The following ASXL3 variants were observed in gnomAD, a reference collection of about 807,000 sequenced individuals.
ASXL3 encodes the protein ASXL transcriptional regulator 3, also known as putative Polycomb group protein ASXL3.
Under a neutral mutation model 170.6 loss-of-function variants are expected in ASXL3, and 34 were observed. The ratio of observed to expected loss-of-function variants is 0.20; its 90% CI spans 0.15 to 0.27. ASXL3 has a LOEUF of 0.27. Ranked by LOEUF, ASXL3 falls within the 10% of genes least tolerant of loss-of-function variation. The pLI, the probability that ASXL3 is intolerant of heterozygous loss-of-function variation, is 1.00. For synonymous variants in ASXL3, 1,002 were observed against 989.1 expected, an observed-to-expected ratio of 1.01 and a Z score of -0.24; for missense variants, 2,592 against 2,695.3, an observed-to-expected ratio of 0.96 and a Z score of 0.85.
In ASXL3 at chr18:33,583,519, A is replaced by G. The variant is rs1266207946; in HGVS notation, c.54+4834A>G. Among the ~76,000 whole-genome samples, 5 of 152,216 alleles carry G rather than the reference A, an allele frequency of 3.3e-5. No homozygotes were observed. In the South Asian group the frequency reaches 8.3e-4, roughly 25 times the overall value. ...TGTTTTACAGTTTGAAAGATAAAAA[A>G]GAGTTTAATGATCTCTATGCCTATT... On this transcript the variant is annotated intron_variant, in intron 1 of 11. Transcript: ENST00000269197.
chr18:33,652,621 A>ATG (rs1184027267), intron 4 of ASXL3, among the ~76,000 whole-genome samples: 1 of 151,430 alleles, frequency 6.6e-6, no homozygotes, highest in Non-Finnish European at 1.5e-5. Flanking sequence ...AAAAAAGAAC[A>ATG]TGAATCTTAT....
chr18:33,591,520 C>G (rs1219580785), intron 1 of ASXL3, among the ~76,000 whole-genome samples: 1 of 152,096 alleles, frequency 6.6e-6, no homozygotes, highest in Non-Finnish European at 1.5e-5. Flanking sequence ...TGCTAATGCT[C>G]TGTTTACAAA....
In ASXL3 at chr18:33,745,760, G is replaced by C; in HGVS notation, c.5912G>C (p.Gly1971Ala). The change falls in exon 12 of 12, where the codon GGA becomes GCA. Residue 1971 changes from glycine to alanine, a missense_variant. This residue lies in a region of ASXL3 where 2,246 missense variants were observed against 2,219.6 expected (regional missense o/e 1.01). Transcript: ENST00000269197. ...TTCAACAGGCATCTTGAACAGAAGG[G>C]ATTGGGAGAGGTTAGTCTTTCCTCA... ...FAFNRHLEQKGLGEVSLSSAP... is the reference protein window; with the variant it reads ...FAFNRHLEQKALGEVSLSSAP... 2 of 1,614,000 alleles carry C rather than the reference G, an allele frequency of 1.2e-6. No homozygotes were observed.
intron 8 of ASXL3, chr18:33,683,782 T>A: frequency 2.5e-6 from 1 of 407,066 alleles, no homozygotes; most frequent in Non-Finnish European, 4.2e-6. Context: ...TACGGTACAT[T>A]GTGGTAGAGT....
At chr18:33,646,880 CGG>C (rs56102471) in intron 4 of ASXL3, among the ~76,000 whole-genome samples, 1,007 of 43,894 alleles carry the variant, frequency 0.023, 17 homozygotes, top group African/African-American at 0.046. Context: ...TAAGGGGGAG[CGG>C]GGGGGGGGGG....
chr18:33,736,117 G>T (rs1363854098), intron 10 of ASXL3, among the ~76,000 whole-genome samples: 1 of 152,076 alleles, frequency 6.6e-6, no homozygotes, highest in African/African-American at 2.4e-5. Context: ...GTTTATAACC[G>T]TGAGGTTATT....
intron 8 of ASXL3, among the ~76,000 whole-genome samples, chr18:33,701,345 A>G (rs1451907398): frequency 6.6e-6 from 1 of 152,044 alleles, no homozygotes; most frequent in Non-Finnish European, 1.5e-5. Flanking sequence ...TGGAATTTTG[A>G]TAGGAATTGC....
intron 1 of ASXL3, among the ~76,000 whole-genome samples, chr18:33,597,533 TG>T (rs1250452667): frequency 2.6e-5 from 4 of 152,130 alleles, no homozygotes; most frequent in Admixed American, 2.6e-4. Flanking sequence ...GGATAGGCTG[TG>T]AATTTTTGTA....
intron 1 of ASXL3, among the ~76,000 whole-genome samples, chr18:33,603,062 A>G (rs1049782082): frequency 6.6e-6 from 1 of 152,126 alleles, no homozygotes; most frequent in Non-Finnish European, 1.5e-5. Flanking sequence ...AAATGTAGAC[A>G]TCTATCATTG....
chr18:33,613,841 C>T (rs1424448139), intron 2 of ASXL3, among the ~76,000 whole-genome samples: 1 of 152,152 alleles, frequency 6.6e-6, no homozygotes, highest in Admixed American at 6.5e-5. Context: ...AGGAGGATCA[C>T]TTGAGCCGAT....
At chr18:33,625,250 A>T (rs913959624) in intron 2 of ASXL3, among the ~76,000 whole-genome samples, 1 of 152,106 alleles carries the variant, frequency 6.6e-6, no homozygotes, top group Non-Finnish European at 1.5e-5. Context: ...GTCCTGTATG[A>T]TTCCTAGATC....
chr18:33,653,119 T>C (rs889960031), intron 4 of ASXL3, among the ~76,000 whole-genome samples: 2 of 152,020 alleles, frequency 1.3e-5, no homozygotes, highest in African/African-American at 4.8e-5. Flanking sequence ...ATTCTGGTCT[T>C]GTTTTGCTGG....
rs1226619353 is a variant in ASXL3 at position 33,713,248 on chromosome 18, GTTTTTTT to G, written c.880-18700_880-18694del. 5.4e-4 allele frequency among the ~76,000 whole-genome samples: 35 copies of G among 65,104 alleles called. 4 individuals are homozygous for G. The Admixed American group carries it at 5.7e-3, about 11-fold the overall frequency. The allele number at this position is 65,104 out of a possible 152,430, so 42.7% of individuals were successfully genotyped here. A position where few individuals can be genotyped will look rare whatever the true frequency, so the allele number is the denominator to read the frequency against. ...AAGAAGGTTTTTTTTGTTTTGTTTTGTTTTTTTTTTTTTTTTTTTTTTTTTTGAGACA... is the reference window on the plus strand; with the variant it reads ...AAGAAGGTTTTTTTTGTTTTGTTTTGTTTTTTTTTTTTTTTTTTTGAGACA... On this transcript the variant is annotated intron_variant, in intron 8 of 11. Coordinates refer to ENST00000269197, the MANE Select transcript of ASXL3 (RefSeq NM_030632.3).
chr18:33,588,328 A>T (rs2065050689), intron 1 of ASXL3, among the ~76,000 whole-genome samples: 2 of 150,236 alleles, frequency 1.3e-5, no homozygotes, highest in African/African-American at 4.9e-5. Flanking sequence ...ACAGAACACA[A>T]CTCCTCCTAA....
chr18:33,687,707 T>C (rs950137553), intron 8 of ASXL3, among the ~76,000 whole-genome samples: 2 of 152,234 alleles, frequency 1.3e-5, no homozygotes, highest in Admixed American at 6.5e-5. Context: ...TTCTGTTTTT[T>C]AGAGTTCTGT....
At chr18:33,731,929 TC>T (rs779328462) in intron 8 of ASXL3, 38 bp from the exon 9 acceptor site, 1 of 1,567,768 alleles carries the variant, frequency 6.4e-7, no homozygotes, top group East Asian at 2.2e-5. Context: ...TTTGACTTAT[TC>T]CTGATGGAAC....
intron 8 of ASXL3, among the ~76,000 whole-genome samples, chr18:33,719,835 A>G (rs1599539927): frequency 6.6e-6 from 1 of 152,138 alleles, no homozygotes; most frequent in Non-Finnish European, 1.5e-5. Context: ...TGGTACCTTA[A>G]TCTTGGATTT....
At chr18:33,636,588 G>A (rs540670840) in intron 2 of ASXL3, among the ~76,000 whole-genome samples, 63 of 152,252 alleles carry the variant, frequency 4.1e-4, no homozygotes, top group Middle Eastern at 6.8e-3. Flanking sequence ...GGTTTCAGGT[G>A]AACGTAGTTG....
At chr18:33,638,099 C>G (rs1363874517) in intron 2 of ASXL3, among the ~76,000 whole-genome samples, 1 of 151,200 alleles carries the variant, frequency 6.6e-6, no homozygotes, top group Non-Finnish European at 1.5e-5. Context: ...TCTGAATTCT[C>G]TACCACATAT....
Sources: gnomAD v4.1 joint callset for allele counts (sites outside exome capture counted in the v4.1 genomes callset) on GRCh38, gnomAD v4.1.1 for gene constraint, gnomAD v4.1.1 regional missense constraint, MANE v1.5 for transcripts, NCBI Gene and HGNC (gene_info 2026-07-23, HGNC 2026-07-21) for gene names.